BRAF: variants seen among roughly 807,000 people sequenced by gnomAD.
BRAF encodes serine/threonine-protein kinase B-raf.
BRAF carries 16 observed loss-of-function variants against 104.6 expected under a neutral mutation model. That is an observed-to-expected ratio of 0.15 (90% CI 0.10 to 0.23). The LOEUF (loss-of-function observed/expected upper bound fraction) is 0.23, where lower values mean the gene tolerates loss of function less well. Among genes scored for constraint, BRAF ranks in the 10% least tolerant of loss-of-function variants. The probability of loss-of-function intolerance (pLI) is 1.00; values close to 1 mark genes in which losing one functional copy is unlikely to be tolerated. For synonymous variants in BRAF, 310 were observed against 341.6 expected (o/e 0.91, Z 1.02); for missense variants, 541 against 937.3 (o/e 0.58, Z 5.52).
At chr7:140,852,945 C>T (rs2129075654) in intron 1 of BRAF, among the ~76,000 whole-genome samples, 1 of 152,270 alleles carries the variant, frequency 6.6e-6, no homozygotes, top group South Asian at 2.1e-4. Context: ...ATCTGACAAT[C>T]CATTTCAATC....
chr7:140,899,690 T>C (rs1311326993), intron 1 of BRAF, among the ~76,000 whole-genome samples: 2 of 152,222 alleles, frequency 1.3e-5, no homozygotes. Context: ...TCCAATTTGG[T>C]GTTCTGTCTT....
intron 14 of BRAF, among the ~76,000 whole-genome samples, chr7:140,761,269 T>C (rs1274139252): frequency 6.6e-6 from 1 of 152,136 alleles, no homozygotes; most frequent in Non-Finnish European, 1.5e-5. Context: ...CAACCCAGAA[T>C]TTCATATCCA....
At chr7:140,763,602 T>A (rs1799011746) in intron 14 of BRAF, among the ~76,000 whole-genome samples, 1 of 152,148 alleles carries the variant, frequency 6.6e-6, no homozygotes, top group African/African-American at 2.4e-5. Context: ...AATAAAAAAA[T>A]GATAAAGGGG....
intron 14 of BRAF, among the ~76,000 whole-genome samples, chr7:140,762,960 A>G (rs1195333264): frequency 6.6e-6 from 1 of 152,204 alleles, no homozygotes; most frequent in Non-Finnish European, 1.5e-5. Context: ...AAGGCAGAAG[A>G]ATTTTTCTTA....
intron 3 of BRAF, among the ~76,000 whole-genome samples, chr7:140,832,789 T>C (rs532557984): frequency 3.1e-4 from 47 of 152,188 alleles, no homozygotes; most frequent in Non-Finnish European, 5.1e-4. Flanking sequence ...TGTTTTTATT[T>C]CTTTTTAAAA....
At chr7:140,814,700 A>G (rs1804637213) in intron 3 of BRAF, among the ~76,000 whole-genome samples, 2 of 147,088 alleles carry the variant, frequency 1.4e-5, no homozygotes, top group South Asian at 4.2e-4. Flanking sequence ...TATAATTTAT[A>G]CTTTATATAT....
At chr7:140,901,856 T>C (rs573523621) in intron 1 of BRAF, among the ~76,000 whole-genome samples, 1 of 152,236 alleles carries the variant, frequency 6.6e-6, no homozygotes, top group East Asian at 1.9e-4. Context: ...CTGTCCTTAA[T>C]TCTTTATTTA....
chr7:140,914,895 C>T (rs1431830628), intron 1 of BRAF, among the ~76,000 whole-genome samples: 1 of 139,672 alleles, frequency 7.2e-6, no homozygotes, highest in African/African-American at 2.6e-5. Context: ...AAAAAATTAG[C>T]CGGGCATGGT....
At chr7:140,772,849 A>G (rs896807912) in intron 14 of BRAF, among the ~76,000 whole-genome samples, 1 of 152,216 alleles carries the variant, frequency 6.6e-6, no homozygotes, top group Non-Finnish European at 1.5e-5. Context: ...AGTGTTTAAC[A>G]TAATAGTTTT....
At chr7:140,841,229 T>C (rs537177409) in intron 2 of BRAF, among the ~76,000 whole-genome samples, 16 of 151,766 alleles carry the variant, frequency 1.1e-4, no homozygotes, top group Non-Finnish European at 2.4e-4. Flanking sequence ...AAAAAACAAA[T>C]AGATAATAAC....
At chr7:140,898,581 G>A (rs1815227170) in intron 1 of BRAF, among the ~76,000 whole-genome samples, 1 of 152,100 alleles carries the variant, frequency 6.6e-6, no homozygotes, top group Non-Finnish European at 1.5e-5. Context: ...GCTATGTAGA[G>A]AAGTTTGCAA....
intron 14 of BRAF, among the ~76,000 whole-genome samples, chr7:140,766,505 C>A (rs941276457): frequency 8.1e-6 from 1 of 123,654 alleles, no homozygotes; most frequent in Non-Finnish European, 1.7e-5. Context: ...AGAATACCCA[C>A]ACACCTTCCA....
chr7:140,809,823 G>A lies in BRAF; in HGVS notation c.505-828C>T, dbSNP rs7798201. The stretch of plus-strand genomic sequence containing the variant: ...TAGAATGAAGCTAACATACGAAGCA[G>A]CAAAGATGACATGGGAAGAGAGAGA... On this transcript the variant is annotated intron_variant, in intron 3 of 19. Transcript: ENST00000644969. 6.5e-3 allele frequency among the ~76,000 whole-genome samples: 983 copies of A among 152,100 alleles called. 9 individuals are homozygous for A. Among genetic ancestry groups the A allele is most frequent in the African/African-American group, 0.022 (930 of 41,484 alleles).
intron 1 of BRAF, among the ~76,000 whole-genome samples, chr7:140,883,744 C>T (rs1813204928): frequency 6.6e-6 from 1 of 152,262 alleles, no homozygotes; most frequent in East Asian, 1.9e-4. Context: ...AAACTAACCC[C>T]AGTATGTATG....
At chr7:140,847,020 T>C (rs748696231) in intron 2 of BRAF, among the ~76,000 whole-genome samples, 5 of 151,996 alleles carry the variant, frequency 3.3e-5, no homozygotes, top group East Asian at 3.9e-4. Context: ...TCGGGAGTCA[T>C]AACGCACACC....
At chr7:140,920,191 A>T (rs59816436) in intron 1 of BRAF, among the ~76,000 whole-genome samples, 8,489 of 152,334 alleles carry the variant, frequency 0.056, 285 homozygotes, top group South Asian at 0.11. Flanking sequence ...ACTGGATTTC[A>T]TAAAACAAGG....
chr7:140,720,922 A>C lies in BRAF; in HGVS notation c.*5572T>G, dbSNP rs1795289835. 1 of 1,065,800 alleles carries C rather than the reference A, an allele frequency of 9.4e-7. No individual in the cohort carries two copies. The allele number at this position is 1,065,800 out of a possible 1,614,324, so 66.0% of individuals were successfully genotyped here. A position where few individuals can be genotyped will look rare whatever the true frequency, so the allele number is the denominator to read the frequency against. On this transcript the variant is annotated 3_prime_UTR_variant, in exon 20 of 20. Transcript: ENST00000644969. ...ACAAATTTTCTGCCAACTCTCCCGC[A>C]TATGTGCTGTACATGAGAACCAGCG...
chr7:140,808,834 A>G (rs1387385867), intron 4 of BRAF, 58 bp downstream of exon 4: 8 of 1,414,238 alleles, frequency 5.7e-6, no homozygotes, highest in Admixed American at 3.4e-5. Flanking sequence ...AGAAAACTTC[A>G]AAGTTTAATG....
chr7:140,735,176 T>C (rs547585314), intron 18 of BRAF, among the ~76,000 whole-genome samples: 2 of 152,364 alleles, frequency 1.3e-5, no homozygotes, highest in Non-Finnish European at 2.9e-5. Context: ...TAAAGCACTT[T>C]ATGACTATCT....
Sources: allele counts gnomAD v4.1 joint callset (sites outside exome capture counted in the v4.1 genomes callset), GRCh38; gene constraint gnomAD v4.1.1; transcripts MANE v1.5; gene names NCBI Gene and HGNC (gene_info 2026-07-23, HGNC 2026-07-21).